The following AK8 variants were observed in gnomAD, a reference collection of about 807,000 sequenced individuals.
AK8 encodes adenylate kinase 8.
AK8 carries 44 observed loss-of-function variants against 54.6 expected under a neutral mutation model. The ratio of observed to expected loss-of-function variants is 0.81; its 90% CI spans 0.63 to 1.04. The LOEUF (loss-of-function observed/expected upper bound fraction) is 1.04, where lower values mean the gene tolerates loss of function less well. Ranked by LOEUF, AK8 falls within the 50% of genes least tolerant of loss-of-function variation. The probability of loss-of-function intolerance (pLI) is 0.00; values close to 1 mark genes in which losing one functional copy is unlikely to be tolerated. For synonymous variants in AK8, 239 were observed against 245.6 expected, an observed-to-expected ratio of 0.97 and a Z score of 0.25; for missense variants, 555 against 613.6, an observed-to-expected ratio of 0.90 and a Z score of 1.01.
intron 11 of AK8, among the ~76,000 whole-genome samples, chr9:132,739,003 C>T (rs762567713): frequency 5.3e-5 from 8 of 151,918 alleles, no homozygotes; most frequent in South Asian, 2.1e-4. Flanking sequence ...GACCCTCCAA[C>T]CTCAGCCTCC....
chr9:132,756,523 C>A (rs1362360364), intron 11 of AK8, among the ~76,000 whole-genome samples: 1 of 152,224 alleles, frequency 6.6e-6, no homozygotes, highest in Non-Finnish European at 1.5e-5. Flanking sequence ...ACCTTCTGCA[C>A]TGATAACAAA....
At chr9:132,832,352 G>A (rs755067104) in intron 5 of AK8, among the ~76,000 whole-genome samples, 7 of 151,936 alleles carry the variant, frequency 4.6e-5, no homozygotes, top group Non-Finnish European at 7.3e-5. Flanking sequence ...CCAGCCAAGC[G>A]CCGGGCTGCA....
intron 9 of AK8, among the ~76,000 whole-genome samples, chr9:132,818,181 G>A (rs762403477): frequency 3.9e-5 from 6 of 152,142 alleles, no homozygotes. Context: ...GAGAAAATTT[G>A]TCACCAGCAC....
rs1841875645 is a variant in AK8, at chr9:132,826,507, C to T, written c.757+347G>A. Among the ~76,000 whole-genome samples the T allele has an allele frequency of 6.6e-6, 1 of 151,990 alleles. No homozygotes were observed. The highest frequency in any genetic ancestry group is 2.4e-5 in the African/African-American group (1 of 41,392). The stretch of plus-strand genomic sequence containing the variant: ...TTAATCTTTATATATTTTTTCTTTC[C>T]TCTCCCTCAAGGTCAGGCTCAAACT... On this transcript the variant is annotated intron_variant, in intron 8 of 12. Coordinates refer to ENST00000298545, the MANE Select transcript of AK8 (RefSeq NM_152572.3). This position sits in a 1 kb window ranked among gnomAD's most constrained non-coding sequence, Gnocchi z 4.5.
At chr9:132,823,125 T>C (rs1189584778) in intron 9 of AK8, 80 bp downstream of exon 9, 2 of 1,444,650 alleles carry the variant, frequency 1.4e-6, no homozygotes, top group African/African-American at 3.0e-5. Flanking sequence ...CCACCCCCCA[T>C]AAAATGAGAG....
chr9:132,868,304 G>C (rs1373129879), intron 2 of AK8, among the ~76,000 whole-genome samples: 2 of 152,146 alleles, frequency 1.3e-5, no homozygotes, highest in Admixed American at 6.5e-5. Context: ...TGGCTGCTTG[G>C]GTTTAAATAG....
chr9:132,776,313 C>T (rs552030097), intron 11 of AK8, among the ~76,000 whole-genome samples: 9 of 152,328 alleles, frequency 5.9e-5, no homozygotes, highest in African/African-American at 1.9e-4. Flanking sequence ...ACCCAGCCAC[C>T]GCCTCCCTTC....
At position 132,826,186 on chromosome 9, in the gene AK8, A is replaced by G. The variant is rs559792632; in HGVS notation, c.757+668T>C. ...GGAGGAGGGCACAAGTTTTGTTCCT[A>G]TTTTAGCGATGCCAAAACTAGGGCT... On this transcript the variant is annotated intron_variant, in intron 8 of 12. Coordinates refer to ENST00000298545, the MANE Select transcript of AK8 (RefSeq NM_152572.3). The surrounding 1 kb of genome is among the most constrained non-coding windows in gnomAD (Gnocchi z 4.5). Among the ~76,000 whole-genome samples the G allele has an allele frequency of 6.6e-6, 1 of 152,258 alleles. No individual in the cohort carries two copies. The highest frequency in any genetic ancestry group is 2.4e-5 in the African/African-American group (1 of 41,544).
chr9:132,750,408 C>T (rs919202933), intron 11 of AK8, among the ~76,000 whole-genome samples: 1 of 151,908 alleles, frequency 6.6e-6, no homozygotes, highest in African/African-American at 2.4e-5. Context: ...TGTGAGCCAC[C>T]GCGCCCGGCT....
intron 2 of AK8, among the ~76,000 whole-genome samples, chr9:132,870,696 C>T (rs779675101): frequency 2.6e-5 from 4 of 152,248 alleles, no homozygotes; most frequent in Non-Finnish European, 5.9e-5. Context: ...GGCCTTCTTT[C>T]TCTCTACACC....
intron 4 of AK8, among the ~76,000 whole-genome samples, chr9:132,855,916 C>T (rs1260714355): frequency 6.6e-6 from 1 of 152,058 alleles, no homozygotes. Context: ...AGAGGAGGGC[C>T]CTGACTGGTC....
intron 11 of AK8, among the ~76,000 whole-genome samples, chr9:132,771,243 G>C (rs893918629): frequency 2.6e-5 from 4 of 152,196 alleles, no homozygotes; most frequent in African/African-American, 9.7e-5. Context: ...GGAAGAGGTA[G>C]GCCAGGTGCA....
chr9:132,759,661 T>C (rs1341105760), intron 11 of AK8, among the ~76,000 whole-genome samples: 1 of 152,178 alleles, frequency 6.6e-6, no homozygotes, highest in African/African-American at 2.4e-5. Context: ...CCCACATGGG[T>C]ACCCAGTTGC....
intron 5 of AK8, among the ~76,000 whole-genome samples, chr9:132,834,409 G>A (rs771243210): frequency 2.6e-5 from 4 of 152,144 alleles, no homozygotes; most frequent in East Asian, 1.9e-4. Flanking sequence ...CTAGGATGCC[G>A]TCCATATTCA....
At chr9:132,849,347 A>G (rs1336101006) in intron 5 of AK8, among the ~76,000 whole-genome samples, 1 of 152,180 alleles carries the variant, frequency 6.6e-6, no homozygotes, top group East Asian at 1.9e-4. Context: ...TCTAAGATAA[A>G]AGTCTTTCTA....
chr9:132,784,636 C>G (rs215160), intron 11 of AK8, among the ~76,000 whole-genome samples: 1 of 151,560 alleles, frequency 6.6e-6, no homozygotes, highest in African/African-American at 2.4e-5. Flanking sequence ...ACACTGAGGG[C>G]GGGGGAGGAG....
At chr9:132,878,372 C>T (rs1844254424), upstream of AK8, 9 of 1,249,128 alleles carry the variant, frequency 7.2e-6, no homozygotes, top group Non-Finnish European at 9.1e-6. This position sits in a 1 kb window ranked among gnomAD's most constrained non-coding sequence, Gnocchi z 4.7. Context: ...GCCCAGATAC[C>T]CGATCCTCGG....
intron 11 of AK8, among the ~76,000 whole-genome samples, chr9:132,744,508 C>T (rs973579749): frequency 2.0e-5 from 3 of 151,510 alleles, no homozygotes; most frequent in South Asian, 2.1e-4. Context: ...CAAAGAGAAA[C>T]GGTCTCATGA....
At chr9:132,839,825 G>GT (rs891759292) in intron 5 of AK8, among the ~76,000 whole-genome samples, 5 of 147,530 alleles carry the variant, frequency 3.4e-5, no homozygotes, top group Non-Finnish European at 6.0e-5. Context: ...TTTGCCGGGG[G>GT]GGGGGGCGCA....
Sources: allele counts gnomAD v4.1 joint callset (sites outside exome capture counted in the v4.1 genomes callset), GRCh38; gene constraint gnomAD v4.1.1; non-coding constraint Gnocchi (gnomAD v3.1); transcripts MANE v1.5; gene names NCBI Gene and HGNC (gene_info 2026-07-23, HGNC 2026-07-21).